Variants in PLCB1 observed in about 807,000 individuals in gnomAD.
PLCB1 encodes phospholipase C beta 1.
In PLCB1, 46 loss-of-function variants were observed where a neutral mutation model predicts 161.8. That is an observed-to-expected ratio of 0.28 (90% confidence interval 0.22 to 0.36). PLCB1 has a LOEUF of 0.36. Ranked by LOEUF, PLCB1 falls within the 10% of genes least tolerant of loss-of-function variation. The pLI, the probability that PLCB1 is intolerant of heterozygous loss-of-function variation, is 1.00. For missense variants in PLCB1, 1,016 were observed against 1,472.5 expected (o/e 0.69, Z 5.07); for synonymous variants, 517 against 503.7 (o/e 1.03, Z -0.35).
At chr20:8,539,543 C>G (rs1259241035) in intron 3 of PLCB1, among the ~76,000 whole-genome samples, 6 of 152,144 alleles carry the variant, frequency 3.9e-5, no homozygotes, top group Non-Finnish European at 8.8e-5. Flanking sequence ...CCTGACTTTA[C>G]TGTTATACTG....
chr20:8,674,095 T>C (rs1378126799), intron 9 of PLCB1, among the ~76,000 whole-genome samples: 3 of 152,202 alleles, frequency 2.0e-5, no homozygotes, highest in Non-Finnish European at 2.9e-5. Context: ...TTTGTCTCAT[T>C]TCCTTCAAGG....
intron 3 of PLCB1, among the ~76,000 whole-genome samples, chr20:8,509,729 CATAG>C (rs11468649): frequency 0.16 from 24,335 of 147,632 alleles, 1,995 homozygotes; most frequent in Admixed American, 0.17. Flanking sequence ...ATAGGCAGAT[CATAG>C]ATAGATAGAT....
At chr20:8,482,547 G>A (rs1430896221) in intron 3 of PLCB1, among the ~76,000 whole-genome samples, 1 of 152,056 alleles carries the variant, frequency 6.6e-6, no homozygotes. Flanking sequence ...ACATTCTATA[G>A]TCCCCTCTTT....
chr20:8,241,066 T>C (rs1179031207), intron 2 of PLCB1, among the ~76,000 whole-genome samples: 1 of 152,038 alleles, frequency 6.6e-6, no homozygotes, highest in African/African-American at 2.4e-5. Context: ...TGATCACATA[T>C]CTGCCAACAT....
chr20:8,708,693 G>A lies in PLCB1; in HGVS notation c.1191G>A (p.Glu397=). 1.9e-6 allele frequency: 3 copies of A among 1,612,974 alleles called. No homozygotes were observed. The highest frequency in any genetic ancestry group is 2.5e-6 in the Non-Finnish European group (3 of 1,179,106). Residue 397 remains glutamate, a synonymous_variant, in exon 12 of 32, where the codon GAG becomes GAA. Transcript: ENST00000338037. ...AGGAAGTGATAGAAGCAATTGCGGAGTGTGCATTTAAGACTTCACCTTTTC... is the reference window on the plus strand; with the variant it reads ...AGGAAGTGATAGAAGCAATTGCGGAATGTGCATTTAAGACTTCACCTTTTC... ...SFKEVIEAIA[E]CAFKTSPFPI... is the part of the protein sequence containing the mutation.
At chr20:8,646,848 T>C (rs2123288039) in intron 5 of PLCB1, among the ~76,000 whole-genome samples, 1 of 152,366 alleles carries the variant, frequency 6.6e-6, no homozygotes, top group South Asian at 2.1e-4. Context: ...TGTGTTCATT[T>C]TGGAAGCTGT....
intron 25 of PLCB1, among the ~76,000 whole-genome samples, chr20:8,763,270 C>T (rs940082124): frequency 4.6e-5 from 7 of 152,198 alleles, no homozygotes; most frequent in Non-Finnish European, 1.0e-4. Context: ...GATGTGATCG[C>T]GGCTCATTGA....
chr20:8,781,423 C>A (rs1332421708), intron 27 of PLCB1, among the ~76,000 whole-genome samples: 26 of 56,372 alleles, frequency 4.6e-4, no homozygotes, highest in African/African-American at 1.4e-3. Flanking sequence ...CACAAACACA[C>A]ACACACACAC....
intron 2 of PLCB1, among the ~76,000 whole-genome samples, chr20:8,183,936 T>G (rs1241130430): frequency 6.6e-6 from 1 of 152,228 alleles, no homozygotes; most frequent in Admixed American, 6.5e-5. Context: ...AATAGTTATC[T>G]TGGTTTGACT....
chr20:8,441,574 A>T (rs1779293389), intron 3 of PLCB1, among the ~76,000 whole-genome samples: 1 of 152,228 alleles, frequency 6.6e-6, no homozygotes, highest in Admixed American at 6.5e-5. Flanking sequence ...CTGAAAGTTT[A>T]TCTAAATACA....
chr20:8,568,411 G>A (rs548879412), intron 3 of PLCB1, among the ~76,000 whole-genome samples: 1 of 152,228 alleles, frequency 6.6e-6, no homozygotes, highest in South Asian at 2.1e-4. Context: ...AAAGCATAAT[G>A]ATTAAAGCCT....
intron 11 of PLCB1, among the ~76,000 whole-genome samples, chr20:8,701,238 A>T (rs1990696530): frequency 6.6e-6 from 1 of 152,118 alleles, no homozygotes; most frequent in Non-Finnish European, 1.5e-5. Context: ...CTGCAATCCC[A>T]TTACCTTGTT....
At chr20:8,144,212 G>A (rs2051431300) in intron 1 of PLCB1, among the ~76,000 whole-genome samples, 1 of 152,126 alleles carries the variant, frequency 6.6e-6, no homozygotes, top group Non-Finnish European at 1.5e-5. Flanking sequence ...ACACATTGAG[G>A]TGCCACTGCA....
At chr20:8,556,135 C>A (rs1470556584) in intron 3 of PLCB1, among the ~76,000 whole-genome samples, 1 of 152,010 alleles carries the variant, frequency 6.6e-6, no homozygotes, top group Non-Finnish European at 1.5e-5. Flanking sequence ...CTGGCTAACA[C>A]CCTCCTCAGC....
chr20:8,140,509 G>A (rs1331359589), intron 1 of PLCB1, among the ~76,000 whole-genome samples: 1 of 152,132 alleles, frequency 6.6e-6, no homozygotes, highest in Non-Finnish European at 1.5e-5. Flanking sequence ...TCCAGACTAA[G>A]TCCTAATAGC....
chr20:8,418,604 T>G (rs961326969), intron 3 of PLCB1, among the ~76,000 whole-genome samples: 4 of 152,060 alleles, frequency 2.6e-5, no homozygotes, highest in Non-Finnish European at 4.4e-5. Context: ...TTATATATTT[T>G]TATGTATTTT....
At chr20:8,320,795 A>AAGG in intron 2 of PLCB1, among the ~76,000 whole-genome samples, 1 of 147,164 alleles carries the variant, frequency 6.8e-6, no homozygotes, top group Non-Finnish European at 1.5e-5. Context: ...GGACAGAAAG[A>AAGG]AAGAAGAAAG....
At chr20:8,417,752 T>C (rs1369972431) in intron 3 of PLCB1, among the ~76,000 whole-genome samples, 1 of 150,818 alleles carries the variant, frequency 6.6e-6, no homozygotes, top group Non-Finnish European at 1.5e-5. Context: ...GGAGACAGAA[T>C]GTCTGAGCAG....
chr20:8,823,895 A>G (rs903533571), intron 31 of PLCB1, among the ~76,000 whole-genome samples: 1 of 151,308 alleles, frequency 6.6e-6, no homozygotes, highest in Non-Finnish European at 1.5e-5. Flanking sequence ...GGTCATTACA[A>G]TTGTCTGCCA....
Sources: gnomAD v4.1 joint callset for allele counts (sites outside exome capture counted in the v4.1 genomes callset) on GRCh38, gnomAD v4.1.1 for gene constraint, MANE v1.5 for transcripts, NCBI Gene and HGNC (gene_info 2026-07-23, HGNC 2026-07-21) for gene names.